Variants in CSMD3 observed in about 807,000 individuals in gnomAD.
CSMD3 encodes the protein CUB and sushi domain-containing protein 3.
A neutral mutation model predicts 435.2 loss-of-function variants in CSMD3; 177 were observed. That is an observed-to-expected ratio of 0.41 (90% CI 0.36 to 0.46). CSMD3 has a LOEUF of 0.46. CSMD3 is among the 20% of genes least tolerant of loss of function. CSMD3 has a pLI of 0.34. For synonymous variants in CSMD3, 1,656 were observed against 1,520.5 expected (o/e 1.09, Z -2.07); for missense variants, 4,265 against 4,504.6 (o/e 0.95, Z 1.52).
At chr8:112,780,956 T>C (rs2078369374) in intron 13 of CSMD3, among the ~76,000 whole-genome samples, 1 of 151,780 alleles carries the variant, frequency 6.6e-6, no homozygotes, top group Non-Finnish European at 1.5e-5. Flanking sequence ...GAATATGAGG[T>C]TCATACAACC....
At chr8:112,683,825 TCTC>T (rs1288646305) in intron 15 of CSMD3, among the ~76,000 whole-genome samples, 20 of 151,800 alleles carry the variant, frequency 1.3e-4, no homozygotes, top group African/African-American at 4.6e-4. Context: ...TACTATCTGT[TCTC>T]CTTATTTTAA....
At chr8:113,414,351 ATTGTT>A (rs1196133348) in intron 1 of CSMD3, among the ~76,000 whole-genome samples, 2 of 152,200 alleles carry the variant, frequency 1.3e-5, no homozygotes, top group African/African-American at 4.8e-5. Context: ...ATAAGATACT[ATTGTT>A]ATATCATAGT....
intron 11 of CSMD3, among the ~76,000 whole-genome samples, chr8:112,840,539 T>C (rs952420076): frequency 6.6e-6 from 1 of 151,744 alleles, no homozygotes; most frequent in Non-Finnish European, 1.5e-5. Context: ...GAAAAGAAGA[T>C]TTTGAATGTT....
chr8:112,583,641 C>G (rs988976166), intron 23 of CSMD3, among the ~76,000 whole-genome samples: 3 of 151,784 alleles, frequency 2.0e-5, no homozygotes, highest in Non-Finnish European at 4.4e-5. Context: ...TATATGTAAA[C>G]ATTAATAGCA....
At chr8:112,757,551 A>AT (rs1448153203) in intron 13 of CSMD3, among the ~76,000 whole-genome samples, 2 of 152,132 alleles carry the variant, frequency 1.3e-5, no homozygotes, top group African/African-American at 4.8e-5. Flanking sequence ...CATTTAAAAT[A>AT]TTTTTTGTAT....
chr8:113,293,576 G>A (rs2093700341), intron 2 of CSMD3, among the ~76,000 whole-genome samples: 2 of 152,166 alleles, frequency 1.3e-5, no homozygotes, highest in South Asian at 4.1e-4. Flanking sequence ...GGCACACACA[G>A]AAATCAGTTT....
intron 3 of CSMD3, among the ~76,000 whole-genome samples, chr8:113,236,811 A>C (rs1424113038): frequency 6.6e-6 from 1 of 152,040 alleles, no homozygotes; most frequent in African/African-American, 2.4e-5. Context: ...TCATCTATCT[A>C]TCTATCTATC....
At chr8:113,087,820 A>G (rs1040982900) in intron 5 of CSMD3, among the ~76,000 whole-genome samples, 5 of 152,226 alleles carry the variant, frequency 3.3e-5, no homozygotes, top group African/African-American at 1.2e-4. Context: ...TGTCTAAAAC[A>G]CCAAAAGCAA....
rs568214277 is a variant in CSMD3, at chr8:113,287,381, T to C, written c.402-8677A>G. On this transcript the variant is annotated intron_variant, in intron 2 of 70. Transcript: ENST00000297405. Reference sequence around the variant, plus strand: ...CACAGGAACAAGCTGATATTTAAAGTAATGGCTGTTCTGTTAAAATAAATC... The same window carrying C: ...CACAGGAACAAGCTGATATTTAAAGCAATGGCTGTTCTGTTAAAATAAATC... Among the ~76,000 whole-genome samples, 20 of 152,212 alleles carry C rather than the reference T, an allele frequency of 1.3e-4. No homozygotes were observed. The South Asian group carries it at 3.9e-3, about 30-fold the overall frequency.
At chr8:112,865,896 C>T (rs925524927) in intron 10 of CSMD3, among the ~76,000 whole-genome samples, 1 of 152,084 alleles carries the variant, frequency 6.6e-6, no homozygotes, top group Non-Finnish European at 1.5e-5. Context: ...AGAGTCACAA[C>T]AAAGATTTGG....
chr8:112,748,597 T>C (rs1363236162), intron 13 of CSMD3, among the ~76,000 whole-genome samples: 1 of 152,148 alleles, frequency 6.6e-6, no homozygotes, highest in African/African-American at 2.4e-5. Context: ...AGGTATTTGA[T>C]TTTCTGTTCC....
chr8:112,980,717 A>G (rs2085019766), intron 6 of CSMD3, among the ~76,000 whole-genome samples: 1 of 151,570 alleles, frequency 6.6e-6, no homozygotes, highest in South Asian at 2.1e-4. Flanking sequence ...ATACGAGGGT[A>G]TGAAGTGAAA....
chr8:112,467,213 A>T (rs1481016432), intron 32 of CSMD3, among the ~76,000 whole-genome samples: 1 of 152,218 alleles, frequency 6.6e-6, no homozygotes, highest in Non-Finnish European at 1.5e-5. Context: ...ATAATAAAAG[A>T]TAGGTGAGAA....
chr8:113,246,074 T>G (rs1269613830), intron 3 of CSMD3, among the ~76,000 whole-genome samples: 1 of 151,998 alleles, frequency 6.6e-6, no homozygotes, highest in African/African-American at 2.4e-5. Flanking sequence ...TTTATCTGCT[T>G]GTCTCCTTGA....
chr8:113,237,657 A>T (rs947569338), intron 3 of CSMD3, among the ~76,000 whole-genome samples: 4 of 152,190 alleles, frequency 2.6e-5, no homozygotes, highest in Non-Finnish European at 5.9e-5. Flanking sequence ...ATTAACAGCC[A>T]TTTGTTTCTA....
chr8:112,597,113 C>T (rs1831805583), intron 22 of CSMD3, among the ~76,000 whole-genome samples: 1 of 151,812 alleles, frequency 6.6e-6, no homozygotes. Flanking sequence ...AATTGATAGA[C>T]CGCTAGCAAG....
chr8:113,143,406 G>A (rs1332074764), intron 4 of CSMD3, among the ~76,000 whole-genome samples: 1 of 151,458 alleles, frequency 6.6e-6, no homozygotes, highest in African/African-American at 2.4e-5. Flanking sequence ...CTAGAAGACA[G>A]TTTGGCAATT....
intron 7 of CSMD3, among the ~76,000 whole-genome samples, chr8:112,970,328 G>A (rs532293323): frequency 6.1e-5 from 9 of 148,442 alleles, no homozygotes; most frequent in East Asian, 6.0e-4. Flanking sequence ...CCCAGGAGGC[G>A]GAGCTTGCAG....
chr8:113,138,491 CTAAAGA>C (rs2091469662), intron 4 of CSMD3, among the ~76,000 whole-genome samples: 1 of 151,258 alleles, frequency 6.6e-6, no homozygotes, highest in African/African-American at 2.4e-5. Context: ...AATTCCAATG[CTAAAGA>C]TAAATTCATT....
Sources: gnomAD v4.1 joint callset for allele counts (sites outside exome capture counted in the v4.1 genomes callset) on GRCh38, gnomAD v4.1.1 for gene constraint, MANE v1.5 for transcripts, NCBI Gene and HGNC (gene_info 2026-07-23, HGNC 2026-07-21) for gene names.